Variants in GPC3 observed in about 807,000 individuals in gnomAD.
The protein encoded by GPC3 is glypican 3.
In GPC3, 3 loss-of-function variants were observed where a neutral mutation model predicts 34.4. That is an observed-to-expected ratio of 0.09 (90% confidence interval 0.04 to 0.23). The LOEUF (loss-of-function observed/expected upper bound fraction) is 0.23, where lower values mean the gene tolerates loss of function less well. GPC3 is among the 10% of genes least tolerant of loss of function. GPC3 has a pLI of 1.00. For synonymous variants in GPC3, 177 were observed against 174.0 expected (o/e 1.02, Z -0.13); for missense variants, 351 against 445.6 (o/e 0.79, Z 1.91).
At chrX:133,797,790 A>G (rs2075589709) in intron 2 of GPC3, among the ~76,000 whole-genome samples, 1 of 110,737 alleles carries the variant, frequency 9.0e-6, no homozygotes, top group Non-Finnish European at 1.9e-5. Context: ...AGATCATGCC[A>G]CTGTACTCCA....
At chrX:133,882,992 A>C (rs2076048465) in intron 2 of GPC3, among the ~76,000 whole-genome samples, 1 of 110,567 alleles carries the variant, frequency 9.0e-6, no homozygotes, top group South Asian at 3.9e-4. Flanking sequence ...AAATACTTCA[A>C]ACTGAGCATC....
chrX:133,854,044 A>T (rs188543921), intron 2 of GPC3, among the ~76,000 whole-genome samples: 3 of 111,124 alleles, frequency 2.7e-5, no homozygotes, highest in Admixed American at 9.6e-5. Flanking sequence ...TAGATGGCAT[A>T]TTTTTTTCTT....
At chrX:133,594,712 G>A (rs2069894240) in intron 7 of GPC3, among the ~76,000 whole-genome samples, 1 of 110,757 alleles carries the variant, frequency 9.0e-6, no homozygotes, top group African/African-American at 3.3e-5. Flanking sequence ...GGCTGGGGGA[G>A]GGAAAAATAA....
chrX:133,979,982 A>T (rs1226602583), intron 1 of GPC3, among the ~76,000 whole-genome samples: 1 of 111,485 alleles, frequency 9.0e-6, no homozygotes, highest in Non-Finnish European at 1.9e-5. Flanking sequence ...GGTTACAAAA[A>T]CCTGTGAGGT....
intron 1 of GPC3, among the ~76,000 whole-genome samples, chrX:133,961,095 G>A (rs1478600601): frequency 8.9e-6 from 1 of 111,782 alleles, no homozygotes; most frequent in East Asian, 2.8e-4. Context: ...TGAAAGAAAT[G>A]GCTGCATTAA....
At chrX:133,882,073 G>T (rs2076044063) in intron 2 of GPC3, among the ~76,000 whole-genome samples, 1 of 112,269 alleles carries the variant, frequency 8.9e-6, no homozygotes, top group Admixed American at 9.4e-5. Flanking sequence ...GGAATGTATG[G>T]CTAATTATGT....
intron 1 of GPC3, among the ~76,000 whole-genome samples, chrX:133,976,743 C>T (rs1040900946): frequency 2.7e-5 from 3 of 109,101 alleles, no homozygotes; most frequent in African/African-American, 1.0e-4. Flanking sequence ...CGTGGTGAAA[C>T]GCCATCTCTA....
chrX:133,876,902 A>G (rs750121653), intron 2 of GPC3, among the ~76,000 whole-genome samples: 1 of 111,943 alleles, frequency 8.9e-6, no homozygotes, highest in East Asian at 2.8e-4. Flanking sequence ...AGTCAACAAA[A>G]GTTTCAGTCC....
intron 2 of GPC3, among the ~76,000 whole-genome samples, chrX:133,940,025 C>A (rs2076338611): frequency 9.0e-6 from 1 of 111,096 alleles, no homozygotes; most frequent in African/African-American, 3.3e-5. Context: ...GTCAGGGTAG[C>A]AGCCCCTTTA....
intron 6 of GPC3, among the ~76,000 whole-genome samples, chrX:133,603,426 A>G (rs988033878): frequency 6.3e-5 from 7 of 111,227 alleles, no homozygotes; most frequent in African/African-American, 2.3e-4. Flanking sequence ...GGCTGCTCCA[A>G]TGTTACTCTG....
chrX:133,622,836 G>A (rs1427795036), intron 6 of GPC3, among the ~76,000 whole-genome samples: 1 of 111,030 alleles, frequency 9.0e-6, no homozygotes, highest in African/African-American at 3.3e-5. Flanking sequence ...GACACTCCTC[G>A]AGAAGAGCAA....
At chrX:133,880,625 A>C (rs1242604683) in intron 2 of GPC3, among the ~76,000 whole-genome samples, 1 of 112,199 alleles carries the variant, frequency 8.9e-6, no homozygotes, top group Non-Finnish European at 1.9e-5. Flanking sequence ...AAATCATATA[A>C]TGTGATCCAC....
At chrX:133,674,980 G>A (rs2070868884) in intron 5 of GPC3, among the ~76,000 whole-genome samples, 1 of 111,447 alleles carries the variant, frequency 9.0e-6, no homozygotes, top group Non-Finnish European at 1.9e-5. Context: ...CTCCAGACAC[G>A]TTTGGGAGAG....
In GPC3 at chrX:133,590,075, C is replaced by T. The variant is rs1316146669; in HGVS notation, c.1573+6365G>A. Among the ~76,000 whole-genome samples the T allele has an allele frequency of 2.7e-5, 3 of 111,137 alleles. No homozygotes were observed. The East Asian group carries it at 8.6e-4, about 32-fold the overall frequency. ...GGGCTGGAGAGAACTAGATAGGCTC[C>T]TTTCTGCCTTTCCATCTCTTCTGCC... On this transcript the variant is annotated intron_variant, in intron 7 of 7. Transcript: ENST00000370818.
chrX:133,651,824 T>A (rs1269647589), intron 6 of GPC3, among the ~76,000 whole-genome samples: 1 of 112,415 alleles, frequency 8.9e-6, no homozygotes, highest in East Asian at 2.8e-4. Context: ...TCCAAGTAGA[T>A]GATCAGTTAG....
chrX:133,848,529 A>G (rs935695396), intron 2 of GPC3, among the ~76,000 whole-genome samples: 1 of 112,395 alleles, frequency 8.9e-6, no homozygotes, highest in African/African-American at 3.2e-5. Flanking sequence ...AAGAATATCA[A>G]TGCTGGTCAC....
At chrX:133,801,551 A>G (rs914400726) in intron 2 of GPC3, among the ~76,000 whole-genome samples, 2 of 112,242 alleles carry the variant, frequency 1.8e-5, no homozygotes, top group African/African-American at 6.5e-5. Flanking sequence ...GGAAAGAAAT[A>G]GCAAGTGTGT....
intron 7 of GPC3, among the ~76,000 whole-genome samples, chrX:133,573,253 C>T (rs2069648472): frequency 8.9e-6 from 1 of 111,846 alleles, no homozygotes; most frequent in Non-Finnish European, 1.9e-5. Flanking sequence ...AAGGAAACTC[C>T]CTCAGCCCAA....
chrX:133,900,965 C>T (rs935490956), intron 2 of GPC3, among the ~76,000 whole-genome samples: 4 of 111,952 alleles, frequency 3.6e-5, no homozygotes, highest in South Asian at 3.7e-4. Context: ...TTTGGAAGAA[C>T]GTGTCCTTAA....
Sources: gnomAD v4.1 joint callset for allele counts (sites outside exome capture counted in the v4.1 genomes callset) on GRCh38, gnomAD v4.1.1 for gene constraint, MANE v1.5 for transcripts, NCBI Gene and HGNC (gene_info 2026-07-23, HGNC 2026-07-21) for gene names.